Variants in ASXL3 observed in about 807,000 individuals in gnomAD.
The protein encoded by ASXL3 is ASXL transcriptional regulator 3, also known as putative Polycomb group protein ASXL3.
Under a neutral mutation model 170.6 loss-of-function variants are expected in ASXL3, and 34 were observed. The observed-to-expected ratio is 0.20, with a 90% CI of 0.15 to 0.27. The LOEUF is 0.27. Ranked by LOEUF, ASXL3 falls within the 10% of genes least tolerant of loss-of-function variation. The probability of loss-of-function intolerance (pLI) is 1.00; values close to 1 mark genes in which losing one functional copy is unlikely to be tolerated. For missense variants in ASXL3, 2,592 were observed against 2,695.3 expected (o/e 0.96, Z 0.85); for synonymous variants, 1,002 against 989.1 (o/e 1.01, Z -0.24).
intron 4 of ASXL3, among the ~76,000 whole-genome samples, chr18:33,647,281 A>T (rs988914147): frequency 2.0e-5 from 3 of 152,196 alleles, no homozygotes; most frequent in Admixed American, 2.0e-4. Flanking sequence ...TTGTGTGCTG[A>T]TAGACCCTGT....
chr18:33,643,728 TTTAA>T (rs1458732787), intron 2 of ASXL3, among the ~76,000 whole-genome samples: 1 of 151,864 alleles, frequency 6.6e-6, no homozygotes, highest in Non-Finnish European at 1.5e-5. Context: ...TTAGAAAACT[TTTAA>T]TTAGGAGCAA....
intron 8 of ASXL3, among the ~76,000 whole-genome samples, chr18:33,716,604 T>A (rs757418192): frequency 6.6e-6 from 1 of 152,054 alleles, no homozygotes; most frequent in Non-Finnish European, 1.5e-5. Flanking sequence ...TTGGGATTGG[T>A]GTAATTTAGG....
At position 33,742,967 on chromosome 18, in the gene ASXL3, G is replaced by C; in HGVS notation, c.3119G>C (p.Ser1040Thr). ...VSKPESRAST[S>T]TSVSGGRNTG... ...AAACCTGAGTCTCGAGCATCCACTA[G>C]CACATCTGTCAGTGGCGGGAGGAAC... Residue 1040 changes from serine to threonine, a missense_variant, in exon 12 of 12, where the codon AGC (serine) becomes ACC (threonine). By Grantham distance (58) the Ser-to-Thr change is moderately conservative. Around this residue, in one of 4 missense-constraint regions of ASXL3, gnomAD observed 2,246 missense variants for 2,219.6 expected, o/e 1.01. Transcript: ENST00000269197. 6.2e-7 allele frequency: 1 copy of C among 1,613,842 alleles called. No individual in the cohort carries two copies. The highest frequency in any genetic ancestry group is 8.5e-7 in the Non-Finnish European group (1 of 1,179,850).
At chr18:33,581,779 T>C (rs1217901333) in intron 1 of ASXL3, among the ~76,000 whole-genome samples, 1 of 152,178 alleles carries the variant, frequency 6.6e-6, no homozygotes, top group Non-Finnish European at 1.5e-5. Flanking sequence ...TCAAGCTGTA[T>C]CATTTTCCTC....
At chr18:33,603,410 T>C (rs886296490) in intron 1 of ASXL3, among the ~76,000 whole-genome samples, 2 of 151,996 alleles carry the variant, frequency 1.3e-5, no homozygotes, top group African/African-American at 2.4e-5. Context: ...GTATTACAGG[T>C]CCTTTTTTGC....
chr18:33,707,585 A>G (rs922366339), intron 8 of ASXL3, among the ~76,000 whole-genome samples: 3 of 151,864 alleles, frequency 2.0e-5, no homozygotes, highest in Non-Finnish European at 4.4e-5. Flanking sequence ...ATGGTTTTTT[A>G]TCCTCTCAGT....
At chr18:33,662,977 T>G (rs1446518093) in intron 5 of ASXL3, among the ~76,000 whole-genome samples, 1 of 152,148 alleles carries the variant, frequency 6.6e-6, no homozygotes, top group African/African-American at 2.4e-5. Flanking sequence ...TATGTTACCT[T>G]CCTATTTCAT....
chr18:33,585,518 A>G (rs1359120946), intron 1 of ASXL3, among the ~76,000 whole-genome samples: 1 of 152,182 alleles, frequency 6.6e-6, no homozygotes, highest in African/African-American at 2.4e-5. Flanking sequence ...AGTAGTAACA[A>G]TTAACTGTTG....
At chr18:33,630,772 ACT>A (rs1271111832) in intron 2 of ASXL3, among the ~76,000 whole-genome samples, 2 of 151,830 alleles carry the variant, frequency 1.3e-5, no homozygotes, top group Non-Finnish European at 2.9e-5. Context: ...GAACAAGGAA[ACT>A]CTGCTGTTTT....
chr18:33,734,426 G>A lies in ASXL3; in HGVS notation c.1082+11G>A, dbSNP rs975295750. The A allele has an allele frequency of 6.6e-7, 1 of 1,520,964 alleles. No individual in the cohort carries two copies. The highest frequency in any genetic ancestry group is 1.9e-5 in the Admixed American group (1 of 52,654). The allele number at this position is 1,520,964 out of a possible 1,614,324, so 94.2% of individuals were successfully genotyped here. A position where few individuals can be genotyped will look rare whatever the true frequency, so the allele number is the denominator to read the frequency against. On this transcript the variant is annotated intron_variant, in intron 10 of 11. Coordinates refer to ENST00000269197, the MANE Select transcript of ASXL3 (RefSeq NM_030632.3). ...GTTTTATGGAGAAAAGTAAGTACTA[G>A]AGTATTTTTTCTCATTTCTCTGAGA...
chr18:33,626,448 A>G (rs563505261), intron 2 of ASXL3, among the ~76,000 whole-genome samples: 66 of 151,914 alleles, frequency 4.3e-4, no homozygotes, highest in Non-Finnish European at 6.3e-4. Context: ...GGAGGAGTCA[A>G]GGCACATTTT....
At chr18:33,646,882 G>T in intron 4 of ASXL3, among the ~76,000 whole-genome samples, 1 of 100,508 alleles carries the variant, frequency 9.9e-6, no homozygotes. Context: ...AGGGGGAGCG[G>T]GGGGGGGGGG....
At chr18:33,742,335 A>C (rs1458962584) in intron 11 of ASXL3, among the ~76,000 whole-genome samples, 1 of 152,206 alleles carries the variant, frequency 6.6e-6, no homozygotes, top group Non-Finnish European at 1.5e-5. Context: ...AAAATCATAG[A>C]GTTCTTGGCT....
At position 33,745,914 on chromosome 18, in the gene ASXL3, T is replaced by TTCC; in HGVS notation, c.6066_6067insTCC (p.Pro2022_Pro2023insSer). 6 of 1,339,464 alleles carry TTCC rather than the reference T, an allele frequency of 4.5e-6. No homozygotes were observed. The highest frequency in any genetic ancestry group is 2.5e-5 in the South Asian group (2 of 79,278). The allele number at this position is 1,339,464 out of a possible 1,614,324, so 83.0% of individuals were successfully genotyped here. A position where few individuals can be genotyped will look rare whatever the true frequency, so the allele number is the denominator to read the frequency against. On this transcript the variant is annotated inframe_insertion, in exon 12 of 12. Coordinates refer to ENST00000269197, the MANE Select transcript of ASXL3 (RefSeq NM_030632.3). The stretch of plus-strand genomic sequence containing the variant: ...TAGTACATCCGCCGCCGCCACCGCC[T>TTCC]CCCCCTCCCCCTCCACCCTTGGCTT...
At chr18:33,726,016 G>C (rs1035607428) in intron 8 of ASXL3, among the ~76,000 whole-genome samples, 1 of 151,954 alleles carries the variant, frequency 6.6e-6, no homozygotes, top group Admixed American at 6.6e-5. Context: ...CTTTGTCCAG[G>C]GCATCCTCTA....
chr18:33,619,026 T>C (rs1282636991), intron 2 of ASXL3, among the ~76,000 whole-genome samples: 3 of 152,168 alleles, frequency 2.0e-5, no homozygotes, highest in Non-Finnish European at 2.9e-5. Flanking sequence ...ATTGATCCTT[T>C]ATATTAGGCT....
intron 1 of ASXL3, among the ~76,000 whole-genome samples, chr18:33,591,704 C>T (rs193225869): frequency 2.0e-4 from 30 of 151,178 alleles, no homozygotes; most frequent in South Asian, 1.9e-3. Context: ...TGCAGTGGCG[C>T]GATCTCGGCT....
chr18:33,694,711 AGTCACT>A, intron 8 of ASXL3, among the ~76,000 whole-genome samples: 1 of 152,108 alleles, frequency 6.6e-6, no homozygotes, highest in East Asian at 1.9e-4. Context: ...TTAAATAACT[AGTCACT>A]GAAGAGTAGG....
intron 8 of ASXL3, among the ~76,000 whole-genome samples, chr18:33,689,877 C>T (rs1259236938): frequency 2.0e-5 from 3 of 152,150 alleles, no homozygotes; most frequent in African/African-American, 7.2e-5. Context: ...CACACACAGA[C>T]ACACGTGTGT....
Sources: gnomAD v4.1 joint callset for allele counts (sites outside exome capture counted in the v4.1 genomes callset) on GRCh38, gnomAD v4.1.1 for gene constraint, gnomAD v4.1.1 regional missense constraint, MANE v1.5 for transcripts, NCBI Gene and HGNC (gene_info 2026-07-23, HGNC 2026-07-21) for gene names.